DAPP1: variants seen among roughly 807,000 people sequenced by gnomAD.
DAPP1 encodes dual adapter for phosphotyrosine and 3-phosphotyrosine and 3-phosphoinositide.
In DAPP1, 20 loss-of-function variants were observed where a neutral mutation model predicts 41.5. The observed-to-expected ratio is 0.48, with a 90% confidence interval of 0.34 to 0.70. DAPP1 has a LOEUF of 0.70. DAPP1 is among the 30% of genes least tolerant of loss of function. The pLI, the probability that DAPP1 is intolerant of heterozygous loss-of-function variation, is 0.01. For synonymous variants in DAPP1, 113 were observed against 116.2 expected (o/e 0.97, Z 0.18); for missense variants, 233 against 333.4 (o/e 0.70, Z 2.35).
chr4:99,837,776 T>C (rs1034194523), intron 2 of DAPP1, among the ~76,000 whole-genome samples: 3 of 152,190 alleles, frequency 2.0e-5, no homozygotes, highest in Admixed American at 1.3e-4. Context: ...CACTGTAATG[T>C]ATAATGAAAT....
Position 99,861,931 on chromosome 4 carries a change from C to T in DAPP1, c.537+306C>T, listed in dbSNP as rs189550754. On this transcript the variant is annotated intron_variant, in intron 5 of 8. Transcript: ENST00000512369. ...AGCAAGTTTACTCTAGAACATCTTT[C>T]GTTCTTCTTCTAAAACAAGGAAGAA... is the stretch of plus-strand genomic sequence containing the variant. 1.8e-3 allele frequency among the ~76,000 whole-genome samples: 271 copies of T among 152,220 alleles called. 1 individual carries two copies. The highest frequency in any genetic ancestry group is 6.1e-3 in the African/African-American group (254 of 41,488).
At position 99,825,977 on chromosome 4, in the gene DAPP1, T is replaced by C. The variant is rs72684350; in HGVS notation, c.101+8963T>C. Among the ~76,000 whole-genome samples, 77 of 152,328 alleles carry C rather than the reference T, an allele frequency of 5.1e-4. 1 individual carries two copies. The highest frequency in any genetic ancestry group is 1.9e-3 in the South Asian group (9 of 4,822). On this transcript the variant is annotated intron_variant, in intron 1 of 8. Coordinates refer to ENST00000512369, the MANE Select transcript of DAPP1 (RefSeq NM_014395.3). ...TAATGGCATAGAGGGCCAAACACTT[T>C]ACCTTTCACAAAATCAAAGTATCTA...
intron 1 of DAPP1, among the ~76,000 whole-genome samples, chr4:99,824,929 C>T (rs1182113901): frequency 1.3e-5 from 2 of 152,138 alleles, no homozygotes; most frequent in Non-Finnish European, 2.9e-5. Context: ...AGAAGGATCT[C>T]AGTACAGTGA....
chr4:99,862,956 T>G lies in DAPP1; in HGVS notation c.538-54T>G, dbSNP rs1393987122. 3.2e-6 allele frequency: 4 copies of G among 1,260,612 alleles called. No individual in the cohort carries two copies. The African/African-American group carries it at 4.6e-5, about 15-fold the overall frequency. 78.1% of individuals were successfully genotyped at this position (1,260,612 alleles called of 1,614,324 possible). A position where few individuals can be genotyped will look rare whatever the true frequency, so the allele number is the denominator to read the frequency against. ...TCATCTGGTTCAAATATTACATTCC[T>G]GTATTCAAAACTTTGTGTGTCTGTG... On this transcript the variant is annotated intron_variant, in intron 5 of 8. Transcript: ENST00000512369.
At chr4:99,862,151 G>A (rs148328685) in intron 5 of DAPP1, among the ~76,000 whole-genome samples, 2,256 of 152,202 alleles carry the variant, frequency 0.015, 24 homozygotes, top group Non-Finnish European at 0.02. Context: ...AGACCTTCAT[G>A]GAATGTGTCT....
chr4:99,833,110 A>G (rs1454402652), intron 1 of DAPP1, among the ~76,000 whole-genome samples: 1 of 152,228 alleles, frequency 6.6e-6, no homozygotes, highest in African/African-American at 2.4e-5. Context: ...CTAAGTTTTT[A>G]TAACCTTGTG....
At position 99,866,125 on chromosome 4, in the gene DAPP1, A is replaced by G; in HGVS notation, c.774+4A>G. 6.5e-7 allele frequency: 1 copy of G among 1,543,856 alleles called. No homozygotes were observed. The highest frequency in any genetic ancestry group is 8.9e-7 in the Non-Finnish European group (1 of 1,119,556). ...CAAGATATTACGCTGGAAATTGGTGAGAATTTTTAAGCCTTCAGATGTCAA... is the reference window on the plus strand; with the variant it reads ...CAAGATATTACGCTGGAAATTGGTGGGAATTTTTAAGCCTTCAGATGTCAA... On this transcript the variant is annotated splice_donor_region_variant and intron_variant, in intron 8 of 8. Coordinates refer to ENST00000512369, the MANE Select transcript of DAPP1 (RefSeq NM_014395.3).
chr4:99,845,112 T>C (rs1560698660), intron 3 of DAPP1, among the ~76,000 whole-genome samples: 1 of 152,224 alleles, frequency 6.6e-6, no homozygotes, highest in East Asian at 1.9e-4. Context: ...ACTTATTTCA[T>C]CTCAGCCACC....
intron 1 of DAPP1, among the ~76,000 whole-genome samples, chr4:99,828,036 T>C (rs1006395505): frequency 1.3e-5 from 2 of 152,356 alleles, no homozygotes; most frequent in East Asian, 1.9e-4. Context: ...CCATGAATCA[T>C]GAACATATGG....
At chr4:99,858,857 C>T (rs902493984) in intron 4 of DAPP1, among the ~76,000 whole-genome samples, 1 of 151,786 alleles carries the variant, frequency 6.6e-6, no homozygotes, top group Non-Finnish European at 1.5e-5. Flanking sequence ...GGAAAGAGCC[C>T]TTTCAAGTGG....
intron 3 of DAPP1, among the ~76,000 whole-genome samples, chr4:99,851,406 C>A (rs1723855258): frequency 6.6e-6 from 1 of 152,074 alleles, no homozygotes; most frequent in African/African-American, 2.4e-5. Flanking sequence ...CCTCTTCTGG[C>A]TTTTCTCAAC....
At chr4:99,828,396 T>C (rs765476705) in intron 1 of DAPP1, among the ~76,000 whole-genome samples, 27 of 152,260 alleles carry the variant, frequency 1.8e-4, no homozygotes, top group Non-Finnish European at 3.4e-4. Flanking sequence ...GTGACATATG[T>C]ATGTTTATAT....
At chr4:99,817,558 T>C (rs1156296447) in intron 1 of DAPP1, among the ~76,000 whole-genome samples, 1 of 152,172 alleles carries the variant, frequency 6.6e-6, no homozygotes, top group Non-Finnish European at 1.5e-5. Flanking sequence ...ATCGTATGTA[T>C]GTCCAGAGAG....
chr4:99,825,369 AG>A (rs1370058735), intron 1 of DAPP1, among the ~76,000 whole-genome samples: 1 of 152,176 alleles, frequency 6.6e-6, no homozygotes, highest in Non-Finnish European at 1.5e-5. Flanking sequence ...CTTCAAGAAC[AG>A]GTTCATCCTG....
chr4:99,832,572 T>C (rs1452294680), intron 1 of DAPP1, among the ~76,000 whole-genome samples: 2 of 152,218 alleles, frequency 1.3e-5, no homozygotes. Context: ...AAAGGCAATA[T>C]TGACTCAGGC....
chr4:99,843,415 C>T (rs971847018), intron 3 of DAPP1, among the ~76,000 whole-genome samples: 1 of 152,144 alleles, frequency 6.6e-6, no homozygotes, highest in Non-Finnish European at 1.5e-5. Context: ...CTATTCCCTA[C>T]TCTTTACACT....
chr4:99,849,951 G>T (rs1723796999), intron 3 of DAPP1, among the ~76,000 whole-genome samples: 1 of 152,190 alleles, frequency 6.6e-6, no homozygotes, highest in Non-Finnish European at 1.5e-5. Context: ...TCTGAAAGCT[G>T]GAAAATGCAA....
At chr4:99,866,246 C>T in intron 8 of DAPP1, 125 bp downstream of exon 8, 1 of 627,544 alleles carries the variant, frequency 1.6e-6, no homozygotes, top group South Asian at 1.9e-5. Context: ...GTGTCTACTT[C>T]CAGGCTTGCG....
Position 99,863,812 on chromosome 4 carries a change from G to A in DAPP1, c.643G>A (p.Ala215Thr). Residue 215 changes from alanine (A) to threonine (T), a missense_variant, in exon 7 of 9, where the codon GCT becomes ACT. Ala to Thr is a moderately conservative substitution (Grantham distance 58). Transcript: ENST00000512369. ...GATCCTAGACCTAACAGAATGTTCA[G>A]CTGTACAATTCGATTATTCACAAGA... ...IRILDLTECS[A>T]VQFDYSQERV... The A allele has an allele frequency of 6.2e-7, 1 of 1,602,202 alleles. No homozygotes were observed. The highest frequency in any genetic ancestry group is 8.5e-7 in the Non-Finnish European group (1 of 1,173,898).
Sources: gnomAD v4.1 joint callset for allele counts (sites outside exome capture counted in the v4.1 genomes callset) on GRCh38, gnomAD v4.1.1 for gene constraint, MANE v1.5 for transcripts, NCBI Gene and HGNC (gene_info 2026-07-23, HGNC 2026-07-21) for gene names.